PLCL2: variants seen among roughly 807,000 people sequenced by gnomAD.
PLCL2 encodes inactive phospholipase C-like protein 2.
Under a neutral mutation model 79.6 loss-of-function variants are expected in PLCL2, and 4 were observed. That is an observed-to-expected ratio of 0.05 (90% confidence interval 0.02 to 0.11). The LOEUF (loss-of-function observed/expected upper bound fraction) is 0.11, where lower values mean the gene tolerates loss of function less well. PLCL2 is among the 10% of genes least tolerant of loss of function. The probability of loss-of-function intolerance (pLI) is 1.00; values close to 1 mark genes in which losing one functional copy is unlikely to be tolerated. For missense variants in PLCL2, 895 were observed against 1,291.0 expected, an observed-to-expected ratio of 0.69 and a Z score of 4.70; for synonymous variants, 484 against 457.7, an observed-to-expected ratio of 1.06 and a Z score of -0.73.
chr3:17,001,786 T>C lies in PLCL2; in HGVS notation c.328-7888T>C, dbSNP rs193291517. 2.3e-3 allele frequency among the ~76,000 whole-genome samples: 350 copies of C among 152,186 alleles called. 2 individuals are homozygous for C. The highest frequency in any genetic ancestry group is 8.0e-3 in the African/African-American group (334 of 41,564). On this transcript the variant is annotated intron_variant, in intron 1 of 5. Coordinates refer to ENST00000615277, the MANE Select transcript of PLCL2 (RefSeq NM_001144382.2). ...TAGTATATTTTGTAGTCAGGTAGTA[T>C]GATGATGCCTCCAGCTTTGTTCTTT...
intron 1 of PLCL2, among the ~76,000 whole-genome samples, chr3:16,906,439 T>C (rs1479818387): frequency 6.6e-6 from 1 of 152,232 alleles, no homozygotes; most frequent in Non-Finnish European, 1.5e-5. Flanking sequence ...AATTCGTTAA[T>C]GTGGAACTTA....
chr3:17,063,220 T>TCCTCCCTCCCTC (rs1386470009), intron 4 of PLCL2, among the ~76,000 whole-genome samples: 2 of 55,050 alleles, frequency 3.6e-5, no homozygotes, highest in African/African-American at 1.4e-4. Flanking sequence ...CTCTTTCTCT[T>TCCTCCCTCCCTC]CCTTCCTCCC....
rs770045378 is a variant in PLCL2, at chr3:17,011,059, G to A, written c.1713G>A (p.Lys571=). The A allele has an allele frequency of 3.7e-6, 6 of 1,613,940 alleles. No individual in the cohort carries two copies. The African/African-American group carries it at 4.0e-5, about 11-fold the overall frequency. Residue 571 remains lysine, a synonymous_variant, in exon 2 of 6, where the codon AAG becomes AAA. Coordinates refer to ENST00000615277, the MANE Select transcript of PLCL2 (RefSeq NM_001144382.2). The surrounding 1 kb of genome is among the most constrained non-coding windows in gnomAD (Gnocchi z 7.9). ...LKGKILIKAK[K]LSSNCSGVEG... is the part of the protein sequence containing the mutation. ...GGAAAATACTAATTAAAGCAAAGAAGCTGTCCTCAAATTGCTCTGGGGTAG... is the reference window on the plus strand; with the variant it reads ...GGAAAATACTAATTAAAGCAAAGAAACTGTCCTCAAATTGCTCTGGGGTAG...
chr3:16,992,095 A>G (rs1221110993), intron 1 of PLCL2, among the ~76,000 whole-genome samples: 2 of 152,194 alleles, frequency 1.3e-5, no homozygotes, highest in Non-Finnish European at 2.9e-5. Flanking sequence ...CAGTGGTGAC[A>G]TGTGATAGTA....
chr3:16,983,758 G>A (rs1368723424), intron 1 of PLCL2, among the ~76,000 whole-genome samples: 2 of 152,064 alleles, frequency 1.3e-5, no homozygotes, highest in African/African-American at 2.4e-5. Context: ...ACTTTAATAG[G>A]GACAGAGAAA....
chr3:16,896,717 G>T (rs989175298), intron 1 of PLCL2, among the ~76,000 whole-genome samples: 1 of 152,148 alleles, frequency 6.6e-6, no homozygotes, highest in Non-Finnish European at 1.5e-5. Flanking sequence ...AGCATACCTA[G>T]GATCTCAGGT....
intron 5 of PLCL2, among the ~76,000 whole-genome samples, chr3:17,069,725 G>T (rs2065045206): frequency 6.6e-6 from 1 of 152,168 alleles, no homozygotes; most frequent in Non-Finnish European, 1.5e-5. Flanking sequence ...GTAATAAAAG[G>T]TATCTTCCAA....
chr3:17,036,240 G>C (rs908121512), intron 3 of PLCL2, among the ~76,000 whole-genome samples: 1 of 152,114 alleles, frequency 6.6e-6, no homozygotes, highest in Non-Finnish European at 1.5e-5. Flanking sequence ...TAATTGTAGC[G>C]CACAGCTGGC....
intron 3 of PLCL2, among the ~76,000 whole-genome samples, chr3:17,021,627 CA>C (rs1559521992): frequency 9.8e-4 from 143 of 145,566 alleles, no homozygotes; most frequent in East Asian, 3.5e-3. Context: ...CACACACACA[CA>C]CACCCCAGAT....
intron 4 of PLCL2, among the ~76,000 whole-genome samples, chr3:17,065,838 C>A (rs2065004439): frequency 6.6e-6 from 1 of 152,102 alleles, no homozygotes; most frequent in Non-Finnish European, 1.5e-5. Flanking sequence ...AGAGAGCTAC[C>A]CCCTCCCTCC....
intron 2 of PLCL2, 102 bp downstream of exon 2, chr3:17,012,262 G>T: frequency 9.6e-7 from 1 of 1,047,078 alleles, no homozygotes; most frequent in South Asian, 2.1e-5. Flanking sequence ...TATTTAAGTA[G>T]TTTTTAAATT....
At chr3:16,893,495 G>T (rs1420550559) in intron 1 of PLCL2, among the ~76,000 whole-genome samples, 4 of 152,112 alleles carry the variant, frequency 2.6e-5, no homozygotes, top group African/African-American at 9.7e-5. Context: ...TAACATCCCA[G>T]AAACCAAGCA....
chr3:16,959,711 A>C (rs1553638979), intron 1 of PLCL2, among the ~76,000 whole-genome samples: 1 of 152,104 alleles, frequency 6.6e-6, no homozygotes, highest in Non-Finnish European at 1.5e-5. Flanking sequence ...TTGAACACCT[A>C]CTTGGTCGTC....
At chr3:17,073,172 A>C (rs1427970160) in intron 5 of PLCL2, among the ~76,000 whole-genome samples, 1 of 152,238 alleles carries the variant, frequency 6.6e-6, no homozygotes, top group Non-Finnish European at 1.5e-5. Context: ...GAGTTTTGAC[A>C]AGTGTATGTA....
At chr3:17,086,166 G>A (rs2065217926) in intron 5 of PLCL2, among the ~76,000 whole-genome samples, 1 of 152,122 alleles carries the variant, frequency 6.6e-6, no homozygotes, top group African/African-American at 2.4e-5. Context: ...AAAATCAGAG[G>A]ACAGACTTTA....
chr3:16,971,742 T>C (rs1178713600), intron 1 of PLCL2, among the ~76,000 whole-genome samples: 2 of 152,180 alleles, frequency 1.3e-5, no homozygotes, highest in East Asian at 1.9e-4. Context: ...TGGTTTGTAG[T>C]TCTCCTTGAA....
At chr3:16,920,555 C>T (rs943483112) in intron 1 of PLCL2, among the ~76,000 whole-genome samples, 4 of 152,056 alleles carry the variant, frequency 2.6e-5, no homozygotes, top group Non-Finnish European at 4.4e-5. Context: ...CGAGAGATAA[C>T]GAGAGCAAGT....
At chr3:16,977,926 G>A (rs1309751547) in intron 1 of PLCL2, among the ~76,000 whole-genome samples, 1 of 152,154 alleles carries the variant, frequency 6.6e-6, no homozygotes, top group Non-Finnish European at 1.5e-5. Context: ...TGGTGGAAGG[G>A]ACAAACAAAG....
At position 16,958,401 on chromosome 3, in the gene PLCL2, A is replaced by G. The variant is rs189688754; in HGVS notation, c.328-51273A>G. Among the ~76,000 whole-genome samples, 203 of 152,334 alleles carry G rather than the reference A, an allele frequency of 1.3e-3. 2 individuals carry two copies. The highest frequency in any genetic ancestry group is 2.5e-4 in the Non-Finnish European group (17 of 68,022). ...TTCCTCATTTTATTTCTGGTATCTG[A>G]AAATGCATTTGATGTACAGTAAATG... On this transcript the variant is annotated intron_variant, in intron 1 of 5. Coordinates refer to ENST00000615277, the MANE Select transcript of PLCL2 (RefSeq NM_001144382.2).
Sources: gnomAD v4.1 joint callset for allele counts (sites outside exome capture counted in the v4.1 genomes callset) on GRCh38, gnomAD v4.1.1 for gene constraint, Gnocchi (gnomAD v3.1) non-coding constraint, MANE v1.5 for transcripts, NCBI Gene and HGNC (gene_info 2026-07-23, HGNC 2026-07-21) for gene names.